Variants in UNC13C observed in about 807,000 individuals in gnomAD.
UNC13C encodes protein unc-13 homolog C.
UNC13C carries 174 observed loss-of-function variants against 245.4 expected under a neutral mutation model. The observed-to-expected ratio is 0.71, with a 90% CI of 0.63 to 0.80. The LOEUF is 0.80. UNC13C is among the 30% of genes least tolerant of loss of function. The pLI is 0.00. For synonymous variants in UNC13C, 992 were observed against 895.1 expected, an observed-to-expected ratio of 1.11 and a Z score of -1.93; for missense variants, 2,829 against 2,602.9, an observed-to-expected ratio of 1.09 and a Z score of -1.89.
intron 4 of UNC13C, among the ~76,000 whole-genome samples, chr15:54,219,149 TAA>T (rs1350375625): frequency 1.3e-5 from 2 of 152,142 alleles, no homozygotes; most frequent in Admixed American, 6.5e-5. Context: ...AAGTCAATCC[TAA>T]GCCAAAAGAA....
At chr15:54,239,691 G>A (rs1465238134) in intron 7 of UNC13C, among the ~76,000 whole-genome samples, 1 of 152,032 alleles carries the variant, frequency 6.6e-6, no homozygotes, top group Admixed American at 6.6e-5. Flanking sequence ...GGCTCAAGCA[G>A]TTCTTCCACC....
chr15:53,992,196 G>C (rs955585572), intron 1 of UNC13C, among the ~76,000 whole-genome samples: 1 of 151,994 alleles, frequency 6.6e-6, no homozygotes, highest in Admixed American at 6.6e-5. Context: ...ATTCTCCTCT[G>C]TTTAACCTCG....
At chr15:53,964,725 C>T in the UNC13C span, among the ~76,000 whole-genome samples, 2 of 152,238 alleles carry the variant, frequency 1.3e-5, no homozygotes, top group East Asian at 3.9e-4. Context: ...TGAAATGCCA[C>T]ATTTAAAAAA....
In UNC13C at chr15:54,457,925, T is replaced by G. The variant is rs1032189503; in HGVS notation, c.4934-36683T>G. 3.4e-5 allele frequency among the ~76,000 whole-genome samples: 5 copies of G among 146,866 alleles called. No individual in the cohort carries two copies. In the Admixed American group the frequency reaches 3.4e-4, roughly 10 times the overall value. On this transcript the variant is annotated intron_variant, in intron 19 of 32. Coordinates refer to ENST00000260323, the MANE Select transcript of UNC13C (RefSeq NM_001080534.3). Reference sequence around the variant, plus strand: ...TTTTTTCCTTTTTTTTTTCTGCTACTGGATTTGGGTTTAGTTCGTTCTTGT... The same window carrying G: ...TTTTTTCCTTTTTTTTTTCTGCTACGGGATTTGGGTTTAGTTCGTTCTTGT...
chr15:54,174,234 T>C (rs2033526623), intron 4 of UNC13C, among the ~76,000 whole-genome samples: 1 of 152,176 alleles, frequency 6.6e-6, no homozygotes, highest in African/African-American at 2.4e-5. Context: ...TAAAGAGGTA[T>C]TCTTTCTTCC....
intron 17 of UNC13C, among the ~76,000 whole-genome samples, chr15:54,388,838 G>T (rs1054679066): frequency 2.6e-5 from 4 of 151,162 alleles, no homozygotes; most frequent in Admixed American, 6.6e-5. Flanking sequence ...AATTTTTTTT[G>T]ATCTACATCA....
chr15:53,868,544 G>T, the UNC13C span, among the ~76,000 whole-genome samples: 1 of 152,074 alleles, frequency 6.6e-6, no homozygotes, highest in African/African-American at 2.4e-5. Flanking sequence ...CTCCCCACAG[G>T]GTTCTTCTCT....
At chr15:53,897,982 T>C in the UNC13C span, among the ~76,000 whole-genome samples, 20 of 152,296 alleles carry the variant, frequency 1.3e-4, no homozygotes, top group African/African-American at 4.6e-4. Context: ...TTTAAGTCCT[T>C]TGATTTTGTA....
intron 13 of UNC13C, among the ~76,000 whole-genome samples, chr15:54,317,464 C>T (rs2038038964): frequency 6.6e-6 from 1 of 151,850 alleles, no homozygotes; most frequent in South Asian, 2.1e-4. Flanking sequence ...TTTGCTTAAC[C>T]ATCTCAAAGT....
At chr15:54,553,984 A>T (rs1896986079) in intron 28 of UNC13C, among the ~76,000 whole-genome samples, 1 of 151,952 alleles carries the variant, frequency 6.6e-6, no homozygotes, top group South Asian at 2.1e-4. Context: ...TGTGAAATGA[A>T]CTCATATGAT....
At chr15:53,980,270 G>A (rs527779200) in intron 1 of UNC13C, among the ~76,000 whole-genome samples, 1 of 152,266 alleles carries the variant, frequency 6.6e-6, no homozygotes, top group South Asian at 2.1e-4. Context: ...AAAATTCCAC[G>A]CATGACTATA....
intron 8 of UNC13C, among the ~76,000 whole-genome samples, chr15:54,252,203 A>G (rs1051821375): frequency 1.3e-5 from 2 of 152,184 alleles, no homozygotes; most frequent in Non-Finnish European, 2.9e-5. Context: ...AATTCCTTAG[A>G]GAAAAAAATG....
At chr15:54,573,302 A>C (rs1025542198) in intron 30 of UNC13C, among the ~76,000 whole-genome samples, 1 of 152,196 alleles carries the variant, frequency 6.6e-6, no homozygotes, top group African/African-American at 2.4e-5. Context: ...GTAGTTAGAC[A>C]AAAAGAAAAA....
At chr15:54,428,589 A>C (rs2040804879) in intron 19 of UNC13C, among the ~76,000 whole-genome samples, 1 of 151,488 alleles carries the variant, frequency 6.6e-6, no homozygotes, top group Non-Finnish European at 1.5e-5. Context: ...TTAGACTGTA[A>C]GCTCTGTGAA....
intron 7 of UNC13C, among the ~76,000 whole-genome samples, chr15:54,240,161 T>TA (rs112093934): frequency 0.4 from 61,207 of 151,322 alleles, 13,094 homozygotes; most frequent in African/African-American, 0.51. Context: ...AAGGCTTCAG[T>TA]AAAAAAAAAC....
chr15:54,422,561 C>T (rs1286381193), intron 19 of UNC13C, among the ~76,000 whole-genome samples: 2 of 151,998 alleles, frequency 1.3e-5, no homozygotes, highest in South Asian at 4.1e-4. Flanking sequence ...TCACGTTCCT[C>T]TCACTCAAAT....
chr15:54,414,974 G>T lies in UNC13C; in HGVS notation c.4848-8G>T. The T allele has an allele frequency of 6.2e-7, 1 of 1,609,378 alleles. No individual in the cohort carries two copies. The highest frequency in any genetic ancestry group is 8.5e-7 in the Non-Finnish European group (1 of 1,177,698). On this transcript the variant is annotated splice_region_variant and splice_polypyrimidine_tract_variant and intron_variant, in intron 18 of 32. Coordinates refer to ENST00000260323, the MANE Select transcript of UNC13C (RefSeq NM_001080534.3). ...CTTCATACACTAATACAATGTGTTTGGTTTTAGGTTTCCTCAAGAGCTGAA... is the reference window on the plus strand; with the variant it reads ...CTTCATACACTAATACAATGTGTTTTGTTTTAGGTTTCCTCAAGAGCTGAA...
intron 2 of UNC13C, among the ~76,000 whole-genome samples, chr15:54,112,790 G>T (rs1378468652): frequency 1.3e-5 from 2 of 152,194 alleles, no homozygotes; most frequent in African/African-American, 4.8e-5. Flanking sequence ...GCTCATGTCA[G>T]TTGGACCTCT....
At chr15:53,957,943 C>T in the UNC13C span, among the ~76,000 whole-genome samples, 2 of 152,018 alleles carry the variant, frequency 1.3e-5, no homozygotes, top group Admixed American at 6.5e-5. Flanking sequence ...ATGATTTCAA[C>T]ATGGGCTCAG....
Sources: allele counts gnomAD v4.1 joint callset (sites outside exome capture counted in the v4.1 genomes callset), GRCh38; gene constraint gnomAD v4.1.1; transcripts MANE v1.5; gene names NCBI Gene and HGNC (gene_info 2026-07-23, HGNC 2026-07-21).